The following CELA1 variants were observed in gnomAD, a reference collection of about 807,000 sequenced individuals.
The protein encoded by CELA1 is chymotrypsin like elastase 1.
A neutral mutation model predicts 34.8 loss-of-function variants in CELA1; 28 were observed. The observed-to-expected ratio is 0.80, with a 90% CI of 0.60 to 1.10. CELA1 has a LOEUF of 1.10. Ranked by LOEUF, CELA1 falls within the 50% of genes least tolerant of loss-of-function variation. The probability of loss-of-function intolerance (pLI) is 0.00; values close to 1 mark genes in which losing one functional copy is unlikely to be tolerated. For synonymous variants in CELA1, 140 were observed against 129.8 expected (o/e 1.08, Z -0.53); for missense variants, 288 against 327.5 (o/e 0.88, Z 0.93).
intron 6 of CELA1, among the ~76,000 whole-genome samples, chr12:51,335,839 A>C (rs545954751): frequency 2.7e-5 from 4 of 150,856 alleles, no homozygotes; most frequent in African/African-American, 9.7e-5. Flanking sequence ...GTCTCCCTAC[A>C]TTTCCCAGGC....
chr12:51,333,381 A>T (rs1946482251), intron 6 of CELA1, among the ~76,000 whole-genome samples: 1 of 143,034 alleles, frequency 7.0e-6, no homozygotes, highest in Admixed American at 7.2e-5. Flanking sequence ...GACATGAGCC[A>T]CTGAGCCCGA....
chr12:51,331,542 A>G (rs902148223), intron 6 of CELA1, among the ~76,000 whole-genome samples: 1 of 152,262 alleles, frequency 6.6e-6, no homozygotes, highest in Non-Finnish European at 1.5e-5. Flanking sequence ...GGAACATAAG[A>G]TAGAACAAAC....
Position 51,342,685 on chromosome 12 carries a change from G to A in CELA1, c.216C>T (p.Arg72=), listed in dbSNP as rs375667020. 9 of 1,614,114 alleles carry A rather than the reference G, an allele frequency of 5.6e-6. No homozygotes were observed. The highest frequency in any genetic ancestry group is 1.1e-5 in the South Asian group (1 of 91,080). Residue 72 remains arginine, a synonymous_variant, in exon 4 of 8, where the codon CGC becomes CGT. Coordinates refer to ENST00000293636, the MANE Select transcript of CELA1 (RefSeq NM_001971.6). Reference sequence around the variant, plus strand: ...TCAGGTTATGGTCTCCAGCCACCACGCGGAAAGTCTTCTGGCTGGCGTGAG... The same window carrying A: ...TCAGGTTATGGTCTCCAGCCACCACACGGAAAGTCTTCTGGCTGGCGTGAG... The part of the protein sequence containing the change: ...AHCVDYQKTF[R]VVAGDHNLSQ...
chr12:51,342,520 G>C, intron 4 of CELA1, 55 bp downstream of exon 4: 1 of 1,611,872 alleles, frequency 6.2e-7, no homozygotes, highest in Non-Finnish European at 8.5e-7. Context: ...GCAGCCAGTT[G>C]TTGGCTAGTC....
chr12:51,345,850 G>A lies in CELA1; in HGVS notation c.44C>T (p.Thr15Ile). 2 of 1,559,642 alleles carry A rather than the reference G, an allele frequency of 1.3e-6. No individual in the cohort carries two copies. Among genetic ancestry groups the A allele is most frequent in the Non-Finnish European group, 1.7e-6 (2 of 1,150,950 alleles). Residue 15 changes from threonine (T) to isoleucine (I), a missense_variant, in exon 2 of 8, where the codon ACC becomes ATC. By Grantham distance (89) the Thr-to-Ile change is moderately conservative. Transcript: ENST00000293636. Reference protein sequence around the residue: ...YGHSTQDLPETNARVVGGTEA... With the variant: ...YGHSTQDLPEINARVVGGTEA... The stretch of plus-strand genomic sequence containing the variant: ...AGTCCCTCCGACTACGCGGGCATTG[G>A]TTTCCGGAAGGTCCTGGGTGCTGTG...
intron 3 of CELA1, 37 bp downstream of exon 3, chr12:51,343,716 C>T: frequency 7.7e-7 from 1 of 1,304,398 alleles, no homozygotes; most frequent in Non-Finnish European, 1.1e-6. Context: ...CCTTCCCCTT[C>T]CAGGGGCCCA....
chr12:51,334,296 T>C (rs1391128577), intron 6 of CELA1, among the ~76,000 whole-genome samples: 1 of 152,178 alleles, frequency 6.6e-6, no homozygotes, highest in African/African-American at 2.4e-5. Flanking sequence ...TAGTCTATTT[T>C]CCCCCTTATT....
chr12:51,335,147 G>T (rs891394791), intron 6 of CELA1, among the ~76,000 whole-genome samples: 11 of 152,146 alleles, frequency 7.2e-5, no homozygotes, highest in Non-Finnish European at 2.9e-5. Context: ...CTCCACCTGT[G>T]CTCTTAGTTC....
chr12:51,331,740 C>T (rs1472029632), intron 6 of CELA1, among the ~76,000 whole-genome samples: 1 of 152,166 alleles, frequency 6.6e-6, no homozygotes, highest in Non-Finnish European at 1.5e-5. Context: ...GCAAATAGAT[C>T]CACATAGACC....
chr12:51,345,364 CTAAA>C (rs1200289154), intron 2 of CELA1, among the ~76,000 whole-genome samples: 2 of 152,184 alleles, frequency 1.3e-5, no homozygotes, highest in African/African-American at 2.4e-5. Context: ...AGTGGAAACT[CTAAA>C]TAGCCAACTA....
intron 6 of CELA1, 121 bp downstream of exon 6, chr12:51,339,738 GA>G (rs1946522024): frequency 1.1e-6 from 1 of 903,912 alleles, no homozygotes; most frequent in African/African-American, 1.7e-5. Flanking sequence ...TTAGACGCCA[GA>G]GTAGAAAATT....
At chr12:51,329,618 C>T in intron 7 of CELA1, 66 bp downstream of exon 7, 1 of 1,472,022 alleles carries the variant, frequency 6.8e-7, no homozygotes, top group Non-Finnish European at 9.0e-7. Flanking sequence ...ACGTTTGTTC[C>T]CCAACCCAGC....
intron 6 of CELA1, among the ~76,000 whole-genome samples, chr12:51,330,373 G>A (rs1166872121): frequency 6.6e-6 from 1 of 152,176 alleles, no homozygotes; most frequent in East Asian, 1.9e-4. Flanking sequence ...TGGGAACCTG[G>A]GTTTATGGAA....
rs370927847 is a variant in CELA1 at position 51,346,631 on chromosome 12, A to AAG, written c.7_8insCT (p.Val3AlafsTer18). On this transcript the variant is annotated frameshift_variant, in exon 1 of 8. Transcript: ENST00000293636. LOFTEE classifies it high-confidence loss of function. ...GGACCATATCCACTTACCATAAAGG[A>AAG]CCAGCATGTTGCCGATGGAGTAGAC... is the stretch of plus-strand genomic sequence containing the variant. 0.4 allele frequency: 595,350 copies of AAG among 1,493,960 alleles called. 134,309 individuals carry two copies. Among genetic ancestry groups the AAG allele is most frequent in the East Asian group, 0.56 (24,052 of 43,286 alleles). 92.5% of individuals were successfully genotyped at this position (1,493,960 alleles called of 1,614,324 possible).
intron 5 of CELA1, among the ~76,000 whole-genome samples, chr12:51,340,964 C>CA (rs1946530727): frequency 6.6e-6 from 1 of 152,034 alleles, no homozygotes. Flanking sequence ...GGTGACAGAG[C>CA]AAAACCCTGT....
chr12:51,340,532 G>A (rs1302702670), intron 5 of CELA1, among the ~76,000 whole-genome samples: 1 of 151,984 alleles, frequency 6.6e-6, no homozygotes, highest in Non-Finnish European at 1.5e-5. Flanking sequence ...TGGGATTAAA[G>A]GCATGCACCA....
In CELA1 at chr12:51,331,351, T is replaced by C. The variant is rs369542945; in HGVS notation, c.610-1518A>G. Among the ~76,000 whole-genome samples, 49 of 152,326 alleles carry C rather than the reference T, an allele frequency of 3.2e-4. No individual in the cohort carries two copies. In the South Asian group the frequency reaches 9.9e-3, roughly 31 times the overall value. ...TTGTAGTGAGCTGAGATTGCACCAC[T>C]GCACTTCAGCCTGGGCGACAGAGCG... On this transcript the variant is annotated intron_variant, in intron 6 of 7. Transcript: ENST00000293636.
At chr12:51,339,793 G>A (rs1946522443) in intron 6 of CELA1, 67 bp downstream of exon 6, 5 of 1,522,202 alleles carry the variant, frequency 3.3e-6, no homozygotes, top group Non-Finnish European at 4.5e-6. Flanking sequence ...AGGGAGGTGA[G>A]GAAGAGGGGT....
chr12:51,328,978 C>T (rs1309486975), intron 7 of CELA1, among the ~76,000 whole-genome samples: 1 of 152,070 alleles, frequency 6.6e-6, no homozygotes, highest in African/African-American at 2.4e-5. Flanking sequence ...TAGAGCAGGC[C>T]GGGCGCTGTG....
Sources: gnomAD v4.1 joint callset for allele counts (sites outside exome capture counted in the v4.1 genomes callset) on GRCh38, gnomAD v4.1.1 for gene constraint, MANE v1.5 for transcripts, NCBI Gene and HGNC (gene_info 2026-07-23, HGNC 2026-07-21) for gene names.